The following TCF7 variants were observed in gnomAD, a reference collection of about 807,000 sequenced individuals.
TCF7 encodes the protein transcription factor 7.
In TCF7, 19 loss-of-function variants were observed where a neutral mutation model predicts 46.8. The ratio of observed to expected loss-of-function variants is 0.41; its 90% confidence interval spans 0.28 to 0.60. The LOEUF (loss-of-function observed/expected upper bound fraction) is 0.60, where lower values mean the gene tolerates loss of function less well. Among genes scored for constraint, TCF7 ranks in the 20% least tolerant of loss-of-function variants. The pLI, the probability that TCF7 is intolerant of heterozygous loss-of-function variation, is 0.35. For missense variants in TCF7, 547 were observed against 504.6 expected, an observed-to-expected ratio of 1.08 and a Z score of -0.81; for synonymous variants, 245 against 213.4, an observed-to-expected ratio of 1.15 and a Z score of -1.29.
At chr5:134,144,439 C>A in intron 9 of TCF7, 1 of 301,570 alleles carries the variant, frequency 3.3e-6, no homozygotes, top group Non-Finnish European at 6.3e-6. Flanking sequence ...GGTGGGTGGC[C>A]CTAGGGCATA....
At chr5:134,111,089 AG>A (rs1201257514), upstream of TCF7, among the ~76,000 whole-genome samples, 5 of 152,236 alleles carry the variant, frequency 3.3e-5, no homozygotes, top group African/African-American at 1.2e-4. Context: ...AGAGCAGGGC[AG>A]GCCTGCGTAT....
At chr5:134,145,640 G>A in intron 9 of TCF7, 1 of 1,270,678 alleles carries the variant, frequency 7.9e-7, no homozygotes, top group Non-Finnish European at 1.1e-6. Flanking sequence ...CCTGTCCAAG[G>A]GCAAGGAGGA....
chr5:134,142,002 G>C, intron 5 of TCF7, 183 bp from the exon 6 acceptor site: 1 of 717,486 alleles, frequency 1.4e-6, no homozygotes, highest in Admixed American at 3.0e-5. Flanking sequence ...CAGTGTGTCT[G>C]TGTAGTGTGC....
Position 134,147,422 on chromosome 5 carries a change from TGA to T in TCF7, c.*1123_*1124del, listed in dbSNP as rs774826219. ...CAGTCCAGCCAGCTCCTGGGCAGCTTGAGAGGGCAAACCCAAAACCTCATGAC... is the reference window on the plus strand; with the variant it reads ...CAGTCCAGCCAGCTCCTGGGCAGCTTGAGGGCAAACCCAAAACCTCATGAC... On this transcript the variant is annotated 3_prime_UTR_variant, in exon 10 of 10. Coordinates refer to ENST00000342854, the MANE Select transcript of TCF7 (RefSeq NM_003202.5). The T allele has an allele frequency of 6.6e-6, 1 of 152,510 alleles. No individual in the cohort carries two copies. The highest frequency in any genetic ancestry group is 1.5e-5 in the Non-Finnish European group (1 of 68,098). The allele number at this position is 152,510 out of a possible 1,614,324, so 9.4% of individuals were successfully genotyped here.
At chr5:134,122,511 T>A (rs1439326541) in intron 3 of TCF7, among the ~76,000 whole-genome samples, 2 of 152,200 alleles carry the variant, frequency 1.3e-5, no homozygotes, top group African/African-American at 2.4e-5. Context: ...GCCCCCTTTC[T>A]GGGTCTCTGG....
intron 5 of TCF7, 72 bp downstream of exon 5, chr5:134,139,110 C>T: frequency 1.9e-6 from 3 of 1,571,084 alleles, no homozygotes; most frequent in Non-Finnish European, 2.6e-6. Context: ...CTTCCATTTC[C>T]TCCTCCATCC....
chr5:134,114,479 G>A (rs947602643), upstream of TCF7, among the ~76,000 whole-genome samples: 4 of 152,162 alleles, frequency 2.6e-5, no homozygotes, highest in Non-Finnish European at 4.4e-5. Context: ...AGGAGTTCCC[G>A]TTAGAGTCTC....
At chr5:134,113,956 G>C (rs1755448877), upstream of TCF7, among the ~76,000 whole-genome samples, 1 of 152,182 alleles carries the variant, frequency 6.6e-6, no homozygotes, top group East Asian at 1.9e-4. Flanking sequence ...TCTAGTCACG[G>C]AACCGAGTTG....
intron 5 of TCF7, chr5:134,141,232 G>A (rs1243745236): frequency 6.3e-6 from 1 of 158,618 alleles, no homozygotes; most frequent in Non-Finnish European, 1.4e-5. Context: ...CCCAAGCTGA[G>A]ACAGCACCTT....
chr5:134,139,751 G>A (rs982129878), intron 5 of TCF7: 7 of 152,330 alleles, frequency 4.6e-5, no homozygotes, highest in African/African-American at 1.7e-4. Flanking sequence ...GGCTGTGGCA[G>A]TCACCCAACA....
Position 134,146,608 on chromosome 5 carries a change from T to C in TCF7, c.*305T>C, listed in dbSNP as rs758036921. 5.8e-6 allele frequency: 4 copies of C among 684,756 alleles called. No individual in the cohort carries two copies. The highest frequency in any genetic ancestry group is 4.8e-5 in the South Asian group (3 of 62,116). 42.4% of individuals were successfully genotyped at this position (684,756 alleles called of 1,614,324 possible). On this transcript the variant is annotated 3_prime_UTR_variant, in exon 10 of 10. Coordinates refer to ENST00000342854, the MANE Select transcript of TCF7 (RefSeq NM_003202.5). ...TCTCATGGAAACTGGCCAGGGGTCCTGTTAACGTCATCTCAGGGTCCAGAC... is the reference window on the plus strand; with the variant it reads ...TCTCATGGAAACTGGCCAGGGGTCCCGTTAACGTCATCTCAGGGTCCAGAC...
chr5:134,143,767 A>G, intron 9 of TCF7, 127 bp downstream of exon 9: 1 of 1,021,422 alleles, frequency 9.8e-7, no homozygotes, highest in South Asian at 1.5e-5. Flanking sequence ...GGGCCTATGA[A>G]AACAAGGCCT....
intron 3 of TCF7, among the ~76,000 whole-genome samples, chr5:134,116,324 C>G (rs918061369): frequency 6.6e-6 from 1 of 152,250 alleles, no homozygotes; most frequent in Non-Finnish European, 1.5e-5. Flanking sequence ...AGGGTGGGGT[C>G]TTCTTAGAGA....
chr5:134,146,252 C>A lies in TCF7; in HGVS notation c.1104C>A (p.Tyr368Ter), dbSNP rs1353857378. The A allele has an allele frequency of 1.9e-6, 3 of 1,614,080 alleles. No homozygotes were observed. The highest frequency in any genetic ancestry group is 2.5e-6 in the Non-Finnish European group (3 of 1,180,048). Residue 368 changes from tyrosine to a stop codon, truncating the protein, a stop_gained, in exon 10 of 10, where the codon TAC (tyrosine) becomes TAA (stop). Coordinates refer to ENST00000342854, the MANE Select transcript of TCF7 (RefSeq NM_003202.5). LOFTEE classifies it high-confidence loss of function. ...TGGKRNAFGT[Y>*]PEKAAAPAPF... ...GAAAAAGAAATGCATTCGGTACTTA[C>A]CCGGAGAAGGCCGCTGCCCCAGCCC...
intron 3 of TCF7, among the ~76,000 whole-genome samples, chr5:134,118,808 G>T (rs77792096): frequency 0.12 from 18,387 of 152,108 alleles, 1,420 homozygotes; most frequent in South Asian, 0.22. Context: ...TAGAGACAAG[G>T]TCTCACTCTG....
In TCF7 at chr5:134,115,931, C is replaced by T; in HGVS notation, c.339C>T (p.Thr113=). 2 of 1,613,978 alleles carry T rather than the reference C, an allele frequency of 1.2e-6. No individual in the cohort carries two copies. Among genetic ancestry groups the T allele is most frequent in the Non-Finnish European group, 1.7e-6 (2 of 1,180,014 alleles). The change falls in exon 3 of 10, where the codon ACC becomes ACT. Residue 113 remains threonine, a synonymous_variant. Transcript: ENST00000342854. ...CAGGCCTGAAGGCCCCGGAGTGCAC[C>T]AGCGGCATGTACAAAGAGACCGTCT... ...LEDGLKAPEC[T]SGMYKETVYS... is the part of the protein sequence containing the mutation.
At position 134,142,383 on chromosome 5, in the gene TCF7, C is replaced by T. The variant is rs1759951365; in HGVS notation, c.755+79C>T. The T allele has an allele frequency of 1.4e-5, 18 of 1,247,904 alleles. No homozygotes were observed. The South Asian group carries it at 2.0e-4, about 14-fold the overall frequency. The allele number at this position is 1,247,904 out of a possible 1,614,324, so 77.3% of individuals were successfully genotyped here. ...TCCCCACCAGGCCTGAGGACTGCCA[C>T]GAGGTCCCTGCCTAAGCTGTTTCGT... On this transcript the variant is annotated intron_variant, in intron 6 of 9. Coordinates refer to ENST00000342854, the MANE Select transcript of TCF7 (RefSeq NM_003202.5).
At chr5:134,130,859 G>A (rs1758019484) in intron 3 of TCF7, among the ~76,000 whole-genome samples, 1 of 152,100 alleles carries the variant, frequency 6.6e-6, no homozygotes, top group Non-Finnish European at 1.5e-5. Context: ...AACTTCAAGG[G>A]CCCAGCTCTA....
chr5:134,122,452 C>T (rs1490290434), intron 3 of TCF7, among the ~76,000 whole-genome samples: 1 of 152,198 alleles, frequency 6.6e-6, no homozygotes, highest in Non-Finnish European at 1.5e-5. Flanking sequence ...CTGCCACCTC[C>T]TCAGCTACTC....
Sources: allele counts gnomAD v4.1 joint callset (sites outside exome capture counted in the v4.1 genomes callset), GRCh38; gene constraint gnomAD v4.1.1; transcripts MANE v1.5; gene names NCBI Gene and HGNC (gene_info 2026-07-23, HGNC 2026-07-21).